Variants in IL15 observed in about 807,000 individuals in gnomAD.
IL15 encodes the protein interleukin-15.
In IL15, 11 loss-of-function variants were observed where a neutral mutation model predicts 19.6. The observed-to-expected ratio is 0.56, with a 90% CI of 0.35 to 0.93. IL15 has a LOEUF of 0.93. Among genes scored for constraint, IL15 ranks in the 40% least tolerant of loss-of-function variants. The probability of loss-of-function intolerance (pLI) is 0.01; values close to 1 mark genes in which losing one functional copy is unlikely to be tolerated. For missense variants in IL15, 197 were observed against 186.5 expected, an observed-to-expected ratio of 1.06 and a Z score of -0.33; for synonymous variants, 58 against 59.6, an observed-to-expected ratio of 0.97 and a Z score of 0.12.
intron 2 of IL15, among the ~76,000 whole-genome samples, chr4:141,666,906 T>A (rs1020261029): frequency 3.9e-5 from 6 of 152,194 alleles, no homozygotes; most frequent in Non-Finnish European, 7.3e-5. Context: ...TCATATTAGG[T>A]CATACTCTCT....
intron 1 of IL15, among the ~76,000 whole-genome samples, chr4:141,648,201 AG>A: frequency 6.6e-6 from 1 of 152,208 alleles, no homozygotes; most frequent in South Asian, 2.1e-4. Context: ...AGGGTCAGGA[AG>A]GGAAATAGAA....
At chr4:141,719,524 G>A (rs192344867) in intron 3 of IL15, 48 bp downstream of exon 3, 2 of 1,350,728 alleles carry the variant, frequency 1.5e-6, no homozygotes. Context: ...TCCCTTAAAG[G>A]TCGTCTGAAT....
rs1436819244 is a variant in IL15 at position 141,667,110 on chromosome 4, GC to G, written c.-100+10804del. Reference sequence around the variant, plus strand: ...ATCCCATTTACACAGGAATGGAAGTGCTTGTGCTCAGGACCCTTTAGACCTC... The same window carrying G: ...ATCCCATTTACACAGGAATGGAAGTGTTGTGCTCAGGACCCTTTAGACCTC... On this transcript the variant is annotated intron_variant, in intron 2 of 7. Transcript: ENST00000320650. Among the ~76,000 whole-genome samples the G allele has an allele frequency of 2.6e-5, 4 of 152,292 alleles. No homozygotes were observed. In the East Asian group the frequency reaches 7.7e-4, roughly 29 times the overall value.
intron 2 of IL15, among the ~76,000 whole-genome samples, chr4:141,689,895 CCGT>C (rs1728849989): frequency 6.6e-6 from 1 of 152,224 alleles, no homozygotes; most frequent in Non-Finnish European, 1.5e-5. Flanking sequence ...GGACTGGGCG[CCGT>C]GGAGCAGGGG....
chr4:141,689,423 A>G (rs1247998351), intron 2 of IL15, among the ~76,000 whole-genome samples: 1 of 152,136 alleles, frequency 6.6e-6, no homozygotes, highest in Non-Finnish European at 1.5e-5. Context: ...AGCTAGATGC[A>G]GTGTCCACAC....
intron 2 of IL15, chr4:141,715,504 C>T (rs1475630442): frequency 6.6e-6 from 1 of 152,164 alleles, no homozygotes; most frequent in East Asian, 1.9e-4. Context: ...TAATAAAATA[C>T]ATAATTATAA....
At chr4:141,677,040 T>C (rs912187071) in intron 2 of IL15, among the ~76,000 whole-genome samples, 2 of 152,364 alleles carry the variant, frequency 1.3e-5, no homozygotes, top group East Asian at 1.9e-4. Context: ...CCTTCTATGA[T>C]ACAGGCACTG....
chr4:141,710,882 G>C (rs552619130), intron 2 of IL15, among the ~76,000 whole-genome samples: 1 of 152,010 alleles, frequency 6.6e-6, no homozygotes, highest in African/African-American at 2.4e-5. Context: ...AATCATCAGA[G>C]TATGAGTTTA....
Position 141,719,037 on chromosome 4 carries a change from A to T in IL15, c.-99-329A>T, listed in dbSNP as rs191102195. 1.9e-5 allele frequency: 3 copies of T among 156,154 alleles called. No homozygotes were observed. In the Admixed American group the frequency reaches 1.9e-4, roughly 10 times the overall value. 9.7% of individuals were successfully genotyped at this position (156,154 alleles called of 1,614,324 possible). On this transcript the variant is annotated intron_variant, in intron 2 of 7. Coordinates refer to ENST00000320650, the MANE Select transcript of IL15 (RefSeq NM_000585.5). ...AATCAGTACTTCTACAAATCTAAGT[A>T]TTTGTTTGTTTTTACTTTTTACTAG...
intron 2 of IL15, among the ~76,000 whole-genome samples, chr4:141,660,893 A>G (rs1578997329): frequency 6.6e-6 from 1 of 152,298 alleles, no homozygotes; most frequent in Middle Eastern, 3.4e-3. Context: ...TATCCCAAAA[A>G]TGATGTACAA....
Position 141,729,935 on chromosome 4 carries a change from C to A in IL15, c.329C>A (p.Thr110Lys), listed in dbSNP as rs751172568. Residue 110 changes from threonine to lysine, a missense_variant, in exon 7 of 8, where the codon ACA becomes AAA. By Grantham distance (78) the Thr-to-Lys change is moderately conservative. Transcript: ENST00000320650. ...LESGDASIHD[T>K]VENLIILANN... ...TCCGGAGATGCAAGTATTCATGATA[C>A]AGTAGAAAATCTGATCATCCTAGCA... The A allele has an allele frequency of 1.3e-6, 2 of 1,598,828 alleles. No homozygotes were observed. The highest frequency in any genetic ancestry group is 3.3e-5 in the Admixed American group (2 of 59,966).
intron 1 of IL15, among the ~76,000 whole-genome samples, chr4:141,641,617 C>T (rs1453875057): frequency 2.0e-5 from 3 of 146,864 alleles, no homozygotes; most frequent in Non-Finnish European, 3.0e-5. Flanking sequence ...CGCATGTTCT[C>T]ACTCATAGGT....
chr4:141,651,272 C>A (rs561089730), intron 1 of IL15, among the ~76,000 whole-genome samples: 2 of 152,064 alleles, frequency 1.3e-5, no homozygotes, highest in East Asian at 3.9e-4. Flanking sequence ...AAAATCACGT[C>A]TTTTGCAGCA....
At chr4:141,669,174 T>C (rs556041357) in intron 2 of IL15, among the ~76,000 whole-genome samples, 1 of 152,268 alleles carries the variant, frequency 6.6e-6, no homozygotes, top group South Asian at 2.1e-4. Flanking sequence ...AACTGAAAAG[T>C]AATAAATATT....
chr4:141,649,890 G>A (rs916713286), intron 1 of IL15, among the ~76,000 whole-genome samples: 2 of 152,024 alleles, frequency 1.3e-5, no homozygotes, highest in Non-Finnish European at 2.9e-5. Flanking sequence ...ACTGACTAAA[G>A]TATATCTATG....
intron 4 of IL15, chr4:141,721,149 A>G (rs1479818674): frequency 2.1e-6 from 3 of 1,395,608 alleles, no homozygotes; most frequent in Non-Finnish European, 3.0e-6. Flanking sequence ...TAATGCCTTC[A>G]TGGTATTGGG....
chr4:141,733,394 T>C lies in IL15; in HGVS notation c.*546T>C, dbSNP rs10833. 0.74 allele frequency: 112,724 copies of C among 152,214 alleles called. 42,534 individuals carry two copies. The highest frequency in any genetic ancestry group is 0.95 in the East Asian group (4,912 of 5,190). The allele number at this position is 152,214 out of a possible 1,614,324, so 9.4% of individuals were successfully genotyped here. The stretch of plus-strand genomic sequence containing the variant: ...AACTATATGTGAATCCTCTTCTTTA[T>C]ACTGTAATTTAGTTATTGATGTATA... On this transcript the variant is annotated 3_prime_UTR_variant, in exon 8 of 8. Transcript: ENST00000320650.
At chr4:141,699,965 C>A (rs1188427146) in intron 2 of IL15, among the ~76,000 whole-genome samples, 1 of 152,118 alleles carries the variant, frequency 6.6e-6, no homozygotes, top group East Asian at 1.9e-4. Context: ...GTCGCACAGG[C>A]TGAGGTGCAA....
At chr4:141,721,447 T>C (rs1579051566) in intron 4 of IL15, 3 of 613,056 alleles carry the variant, frequency 4.9e-6, no homozygotes, top group Non-Finnish European at 6.1e-6. Context: ...GTGAGCAACA[T>C]GAAAGGGGCA....
Sources: allele counts gnomAD v4.1 joint callset (sites outside exome capture counted in the v4.1 genomes callset), GRCh38; gene constraint gnomAD v4.1.1; transcripts MANE v1.5; gene names NCBI Gene and HGNC (gene_info 2026-07-23, HGNC 2026-07-21).